The following PC variants were observed in gnomAD, a reference collection of about 807,000 sequenced individuals.
PC encodes pyruvate carboxylase, also known as pyruvate carboxylase, mitochondrial.
Under a neutral mutation model 107.8 loss-of-function variants are expected in PC, and 46 were observed. That is an observed-to-expected ratio of 0.43 (90% CI 0.34 to 0.55). The LOEUF (loss-of-function observed/expected upper bound fraction) is 0.55, where lower values mean the gene tolerates loss of function less well. Ranked by LOEUF, PC falls within the 20% of genes least tolerant of loss-of-function variation. The pLI, the probability that PC is intolerant of heterozygous loss-of-function variation, is 0.04. For missense variants in PC, 1,241 were observed against 1,643.1 expected, an observed-to-expected ratio of 0.76 and a Z score of 4.23; for synonymous variants, 662 against 684.7, an observed-to-expected ratio of 0.97 and a Z score of 0.52.
Position 66,857,229 on chromosome 11 carries a change from A to G in PC, c.1369-3846T>C, listed in dbSNP as rs1383636363. ...GCCTCGTCCCCGCGGGAGAGCGGCC[A>G]GGAGTCGGCGGGGGCCGGCCGGGCT... On this transcript the variant is annotated intron_variant, in intron 12 of 22. Transcript: ENST00000393960. The surrounding 1 kb of genome is among the most constrained non-coding windows in gnomAD (Gnocchi z 7.1). The G allele has an allele frequency of 2.7e-5, 4 of 148,514 alleles. No homozygotes were observed. 9.2% of individuals were successfully genotyped at this position (148,514 alleles called of 1,614,324 possible).
At chr11:66,883,587 A>C (rs1039275062) in intron 3 of PC, among the ~76,000 whole-genome samples, 1 of 152,116 alleles carries the variant, frequency 6.6e-6, no homozygotes, top group African/African-American at 2.4e-5. Context: ...AGAGCATTTA[A>C]TGTTATAAAG....
At chr11:66,861,662 C>A (rs1039345189) in intron 12 of PC, among the ~76,000 whole-genome samples, 2 of 151,908 alleles carry the variant, frequency 1.3e-5, no homozygotes, top group South Asian at 2.1e-4. Context: ...TGGGCACAGA[C>A]GGCAAAGGGA....
At chr11:66,911,658 G>C (rs1022315145) in intron 3 of PC, among the ~76,000 whole-genome samples, 11 of 152,100 alleles carry the variant, frequency 7.2e-5, no homozygotes, top group African/African-American at 2.2e-4. Flanking sequence ...AAGAGGAAGA[G>C]ATTAAACAAT....
At chr11:66,951,396 G>A (rs1949433333) in intron 3 of PC, among the ~76,000 whole-genome samples, 1 of 152,120 alleles carries the variant, frequency 6.6e-6, no homozygotes, top group South Asian at 2.1e-4. Context: ...TGGAATTTAG[G>A]CTGAGGGGAG....
At chr11:66,853,963 C>G (rs932061522) in intron 12 of PC, among the ~76,000 whole-genome samples, 1 of 152,252 alleles carries the variant, frequency 6.6e-6, no homozygotes, top group Non-Finnish European at 1.5e-5. Flanking sequence ...AGAGGTGCAA[C>G]TGCCTCCCGG....
At chr11:66,877,100 G>A (rs1318927971) in intron 3 of PC, among the ~76,000 whole-genome samples, 1 of 152,178 alleles carries the variant, frequency 6.6e-6, no homozygotes, top group East Asian at 1.9e-4. Flanking sequence ...AGGTATTTAT[G>A]CCCGGCCAGG....
At position 66,850,884 on chromosome 11, in the gene PC, G is replaced by A; in HGVS notation, c.2263C>T (p.Leu755=). ...AAGCGGTCCCGGAGGGAGCTGACCA[G>A]CATGGTGCAGGCCGTGGGCTTCAGC... The part of the protein sequence containing the change: ...GLLKPTACTM[L]VSSLRDRFPD... The change falls in exon 18 of 23, where the codon CTG becomes TTG. Residue 755 remains leucine (L), a synonymous_variant. Transcript: ENST00000393960. The A allele has an allele frequency of 6.2e-7, 1 of 1,610,978 alleles. No homozygotes were observed. Among genetic ancestry groups the A allele is most frequent in the South Asian group, 1.1e-5 (1 of 91,084 alleles).
At chr11:66,945,397 A>T (rs1949257627) in intron 3 of PC, among the ~76,000 whole-genome samples, 1 of 69,242 alleles carries the variant, frequency 1.4e-5, no homozygotes, top group African/African-American at 5.4e-5. Context: ...CCTTAAATAG[A>T]TTAACTGAAT....
rs71045970 is a variant in PC at position 66,924,369 on chromosome 11, C to CAAAAAAAAAAAAAAAAA, written c.-1+28044_-1+28060dup. Among the ~76,000 whole-genome samples the CAAAAAAAAAAAAAAAAA allele has an allele frequency of 1.2e-3, 77 of 65,552 alleles. 2 individuals are homozygous for CAAAAAAAAAAAAAAAAA. The highest frequency in any genetic ancestry group is 1.6e-3 in the African/African-American group (26 of 16,444). 43.0% of individuals were successfully genotyped at this position (65,552 alleles called of 152,430 possible). A position where few individuals can be genotyped will look rare whatever the true frequency, so the allele number is the denominator to read the frequency against. ...TAACATAGCAAGACCCCATCTCTAC[C>CAAAAAAAAAAAAAAAAA]AAAAAAAAAAAAAAAAAAAATTAGC... On this transcript the variant is annotated intron_variant, in intron 3 of 22. Coordinates refer to ENST00000393960, the MANE Select transcript of PC (RefSeq NM_001040716.2).
Position 66,943,311 on chromosome 11 carries a change from G to A in PC, c.-1+9119C>T, listed in dbSNP as rs1949195259. On this transcript the variant is annotated intron_variant, in intron 3 of 22. Transcript: ENST00000393960. ...AAAAAAAAGGGGTCACGGTCAAAAGGAGCTGCCTTGTCCCTTCCACCCTGT... is the reference window on the plus strand; with the variant it reads ...AAAAAAAAGGGGTCACGGTCAAAAGAAGCTGCCTTGTCCCTTCCACCCTGT... Among the ~76,000 whole-genome samples, 5 of 151,978 alleles carry A rather than the reference G, an allele frequency of 3.3e-5. No individual in the cohort carries two copies. The South Asian group carries it at 1.0e-3, about 32-fold the overall frequency.
At chr11:66,873,503 ATATTATATATTATATTATATAT>A (rs1946851510) in intron 3 of PC, among the ~76,000 whole-genome samples, 1 of 8,380 alleles carries the variant, frequency 1.2e-4, no homozygotes, top group African/African-American at 3.6e-4. Context: ...ATATTATATA[ATATTATATATTATATTATATAT>A]TATAATATAT....
chr11:66,871,927 G>A lies in PC; in HGVS notation c.137-56C>T, dbSNP rs1475721581. On this transcript the variant is annotated intron_variant, in intron 4 of 22. Coordinates refer to ENST00000393960, the MANE Select transcript of PC (RefSeq NM_001040716.2). The surrounding 1 kb of genome is among the most constrained non-coding windows in gnomAD (Gnocchi z 7.4). ...CCTAGGTCCTAGGAGAAGCAGAAAGGGGAGTGGGAAGCCAGGGCCTGGGGC... is the reference window on the plus strand; with the variant it reads ...CCTAGGTCCTAGGAGAAGCAGAAAGAGGAGTGGGAAGCCAGGGCCTGGGGC... The A allele has an allele frequency of 5.1e-6, 8 of 1,583,890 alleles. No homozygotes were observed. In the Admixed American group the frequency reaches 7.2e-5, roughly 14 times the overall value.
intron 17 of PC, 26 bp downstream of exon 17, chr11:66,851,014 G>T: frequency 6.2e-7 from 1 of 1,611,490 alleles, no homozygotes. Flanking sequence ...GGCAGAGAGG[G>T]AGGGACGGAC....
chr11:66,911,111 A>G (rs760862172), intron 3 of PC, among the ~76,000 whole-genome samples: 1 of 152,176 alleles, frequency 6.6e-6, no homozygotes, highest in Non-Finnish European at 1.5e-5. Flanking sequence ...CAAAAAAATG[A>G]CCCCAATGGT....
rs533900756 is a variant in PC, at chr11:66,853,489, G to A, written c.1369-106C>T. 3.4e-5 allele frequency: 47 copies of A among 1,368,840 alleles called. No homozygotes were observed. The East Asian group carries it at 1.0e-3, about 29-fold the overall frequency. 84.8% of individuals were successfully genotyped at this position (1,368,840 alleles called of 1,614,324 possible). On this transcript the variant is annotated intron_variant, in intron 12 of 22. Transcript: ENST00000393960. ...AGGCTGAAGATGCTGCCCTGGGCCA[G>A]CACAGCTTCTGGGCCTCCCTGCAGA...
At chr11:66,954,202 G>A (rs981894589) in intron 2 of PC, 47 bp downstream of exon 2, 1 of 152,228 alleles carries the variant, frequency 6.6e-6, no homozygotes, top group Non-Finnish European at 1.5e-5. Flanking sequence ...TGAGTTTGGG[G>A]TAACAGTGAC....
intron 3 of PC, among the ~76,000 whole-genome samples, chr11:66,924,341 G>A (rs1948663243): frequency 8.4e-6 from 1 of 119,200 alleles, no homozygotes; most frequent in Non-Finnish European, 1.7e-5. Flanking sequence ...AGATCAGCCT[G>A]GGTAACATAG....
At chr11:66,849,177 A>T in intron 22 of PC, 30 bp from the exon 23 acceptor site, 1 of 1,613,716 alleles carries the variant, frequency 6.2e-7, no homozygotes, top group Non-Finnish European at 8.5e-7. Context: ...GGGACATGAC[A>T]TCCTGGGCCC....
intron 3 of PC, among the ~76,000 whole-genome samples, chr11:66,937,800 T>G (rs1191184506): frequency 1.3e-5 from 2 of 149,136 alleles, no homozygotes; most frequent in Non-Finnish European, 3.0e-5. Context: ...TTTTTGAGAC[T>G]GAGTCTTGCT....
Sources: gnomAD v4.1 joint callset for allele counts (sites outside exome capture counted in the v4.1 genomes callset) on GRCh38, gnomAD v4.1.1 for gene constraint, Gnocchi (gnomAD v3.1) non-coding constraint, MANE v1.5 for transcripts, NCBI Gene and HGNC (gene_info 2026-07-23, HGNC 2026-07-21) for gene names.